Variants in ZNG1C observed in about 807,000 individuals in gnomAD.
ZNG1C encodes Zn regulated GTPase metalloprotein activator 1C, also known as zinc-regulated GTPase metalloprotein activator 1C.
At chr9:68,291,802 C>T in the ZNG1C span, among the ~76,000 whole-genome samples, 1 of 151,658 alleles carries the variant, frequency 6.6e-6, no homozygotes, top group Non-Finnish European at 1.5e-5. Context: ...CCCAACACAT[C>T]ACCTGTTCCT....
the ZNG1C span, among the ~76,000 whole-genome samples, chr9:68,275,323 T>TA: frequency 7.3e-6 from 1 of 136,262 alleles, no homozygotes; most frequent in Admixed American, 7.9e-5. Flanking sequence ...GAGTTTTTTT[T>TA]TAATTTATTT....
the ZNG1C span, among the ~76,000 whole-genome samples, chr9:68,267,292 G>A: frequency 6.6e-6 from 1 of 151,588 alleles, no homozygotes; most frequent in African/African-American, 2.4e-5. Flanking sequence ...AATGATTGTG[G>A]AAGAAAGAAA....
At chr9:68,248,933 T>G in the ZNG1C span, 1 of 348,072 alleles carries the variant, frequency 2.9e-6, no homozygotes, top group South Asian at 2.5e-5. Context: ...AGAATATAGT[T>G]CTGTGATATA....
chr9:68,299,790 T>TA, the ZNG1C span: 1 of 554,748 alleles, frequency 1.8e-6, no homozygotes, highest in South Asian at 2.5e-5. Flanking sequence ...TCCTTTTTTT[T>TA]AAAGAATGGT....
the ZNG1C span, chr9:68,297,784 G>A: frequency 1.1e-5 from 7 of 655,634 alleles, 1 homozygote; most frequent in South Asian, 8.9e-5. Flanking sequence ...TGAGAAACAA[G>A]GACAATCACT....
the ZNG1C span, among the ~76,000 whole-genome samples, chr9:68,257,290 G>A: frequency 6.6e-4 from 82 of 125,126 alleles, no homozygotes; most frequent in African/African-American, 2.3e-3. Context: ...CGCCAGCCTC[G>A]GCCTCCCAAA....
chr9:68,259,706 T>G, the ZNG1C span, among the ~76,000 whole-genome samples: 204 of 151,584 alleles, frequency 1.3e-3, no homozygotes, highest in African/African-American at 4.7e-3. Context: ...AGACAGGATT[T>G]TACCATGTTG....
At chr9:68,281,273 G>T in the ZNG1C span, among the ~76,000 whole-genome samples, 1 of 152,280 alleles carries the variant, frequency 6.6e-6, no homozygotes, top group Non-Finnish European at 1.5e-5. Flanking sequence ...TACCTCAGAT[G>T]GAAATGGAGA....
the ZNG1C span, chr9:68,270,670 T>G: frequency 6.5e-6 from 1 of 153,122 alleles, no homozygotes; most frequent in Non-Finnish European, 1.4e-5. Flanking sequence ...GATCACGAGG[T>G]CAGGAGATGG....
chr9:68,292,072 A>AAG, the ZNG1C span, among the ~76,000 whole-genome samples: 2 of 151,988 alleles, frequency 1.3e-5, no homozygotes, highest in South Asian at 2.1e-4. Flanking sequence ...CTAGATTCAG[A>AAG]AGAGAGAGAG....
chr9:68,281,635 C>T, the ZNG1C span, among the ~76,000 whole-genome samples: 1 of 104,020 alleles, frequency 9.6e-6, no homozygotes, highest in African/African-American at 3.6e-5. Flanking sequence ...ATAGCAGCTT[C>T]CCATTTCCCT....
chr9:68,260,479 C>T, the ZNG1C span, among the ~76,000 whole-genome samples: 1 of 137,494 alleles, frequency 7.3e-6, no homozygotes, highest in South Asian at 2.3e-4. Context: ...ATTATTAAAT[C>T]AGTATACCTA....
chr9:68,247,075 G>T, the ZNG1C span, among the ~76,000 whole-genome samples: 3 of 152,042 alleles, frequency 2.0e-5, no homozygotes, highest in East Asian at 1.9e-4. Context: ...CTCGTTATCC[G>T]CCCGCCTTGG....
chr9:68,257,196 C>T, the ZNG1C span, among the ~76,000 whole-genome samples: 4 of 139,286 alleles, frequency 2.9e-5, no homozygotes, highest in Non-Finnish European at 6.2e-5. Context: ...CACCATCGTA[C>T]CTGGCTAATT....
At chr9:68,269,501 TTA>T in the ZNG1C span, 2 of 160,316 alleles carry the variant, frequency 1.2e-5, no homozygotes, top group African/African-American at 6.5e-5. Context: ...CCATTGAATG[TTA>T]TCTTAATTTC....
At chr9:68,257,163 G>A in the ZNG1C span, among the ~76,000 whole-genome samples, 2 of 141,832 alleles carry the variant, frequency 1.4e-5, no homozygotes, top group Admixed American at 7.4e-5. Context: ...TCAGCCTCCC[G>A]AGTAGCTGGG....
chr9:68,276,492 G>T, the ZNG1C span, among the ~76,000 whole-genome samples: 2 of 142,302 alleles, frequency 1.4e-5, 1 homozygote, highest in African/African-American at 5.2e-5. Flanking sequence ...TAAGGTGTAA[G>T]GAAGGGATCC....
the ZNG1C span, among the ~76,000 whole-genome samples, chr9:68,294,127 C>T: frequency 6.6e-6 from 1 of 150,830 alleles, no homozygotes; most frequent in African/African-American, 2.4e-5. Flanking sequence ...ATTCCTCAAA[C>T]TGAATGACAA....
chr9:68,275,379 G>C, the ZNG1C span, among the ~76,000 whole-genome samples: 1 of 148,950 alleles, frequency 6.7e-6, no homozygotes, highest in Non-Finnish European at 1.5e-5. Context: ...CAATGTGCAG[G>C]TTAGTTACAT....
Sources: gnomAD v4.1 joint callset for allele counts (sites outside exome capture counted in the v4.1 genomes callset) on GRCh38, gnomAD v4.1.1 for gene constraint, MANE v1.5 for transcripts, NCBI Gene and HGNC (gene_info 2026-07-23, HGNC 2026-07-21) for gene names.